EVC2: variants seen among roughly 807,000 people sequenced by gnomAD.
EVC2 encodes the protein limbin.
In EVC2, 148 loss-of-function variants were observed where a neutral mutation model predicts 149.3. The observed-to-expected ratio is 0.99, with a 90% CI of 0.87 to 1.14. EVC2 has a LOEUF of 1.14. Ranked by LOEUF, EVC2 falls within the 50% of genes most tolerant of loss-of-function variation. EVC2 has a pLI of 0.00. For missense variants in EVC2, 1,854 were observed against 1,627.3 expected, an observed-to-expected ratio of 1.14 and a Z score of -2.40; for synonymous variants, 776 against 649.9, an observed-to-expected ratio of 1.19 and a Z score of -2.95.
At chr4:5,641,893 A>G (rs947443079) in intron 9 of EVC2, among the ~76,000 whole-genome samples, 2 of 152,212 alleles carry the variant, frequency 1.3e-5, no homozygotes, top group African/African-American at 4.8e-5. Context: ...TCTAGGTTTT[A>G]AGCTCCTCAG....
downstream of EVC2, among the ~76,000 whole-genome samples, chr4:5,557,983 C>G (rs1721868241): frequency 6.6e-6 from 1 of 151,990 alleles, no homozygotes; most frequent in Non-Finnish European, 1.5e-5. Flanking sequence ...GTCAATTCTT[C>G]CCAACCTGAC....
intron 21 of EVC2, among the ~76,000 whole-genome samples, chr4:5,547,894 G>A (rs1337471483): frequency 6.6e-6 from 1 of 152,196 alleles, no homozygotes; most frequent in Non-Finnish European, 1.5e-5. Flanking sequence ...CCAAGGCTGT[G>A]ACTTCCTCTT....
At chr4:5,583,349 A>C (rs1711970878) in intron 17 of EVC2, among the ~76,000 whole-genome samples, 2 of 152,330 alleles carry the variant, frequency 1.3e-5, no homozygotes, top group South Asian at 4.1e-4. Context: ...TTGGTGTTAA[A>C]GTTATCTAGC....
chr4:5,628,477 T>C, intron 12 of EVC2, 82 bp downstream of exon 12: 1 of 1,546,878 alleles, frequency 6.5e-7, no homozygotes, highest in South Asian at 1.1e-5. Flanking sequence ...TATTTATAAA[T>C]TACCCAGTCT....
At chr4:5,539,095 A>C (rs1721468157), downstream of EVC2, among the ~76,000 whole-genome samples, 1 of 152,192 alleles carries the variant, frequency 6.6e-6, no homozygotes, top group Admixed American at 6.5e-5. Context: ...CAGTAAGCCT[A>C]GAAAGCTTGA....
chr4:5,583,778 C>CA lies in EVC2; in HGVS notation c.3057+844dup, dbSNP rs200267428. ...TTTGTATATTTTATTAGACTTTTTT[C>CA]AAAAAAAAATCTCTTCACTTTATCA... On this transcript the variant is annotated intron_variant, in intron 17 of 21. Coordinates refer to ENST00000344408, the MANE Select transcript of EVC2 (RefSeq NM_147127.5). Among the ~76,000 whole-genome samples, 609 of 148,554 alleles carry CA rather than the reference C, an allele frequency of 4.1e-3. 5 individuals carry two copies. Among genetic ancestry groups the CA allele is most frequent in the African/African-American group, 0.013 (514 of 40,676 alleles).
At chr4:5,606,226 C>A (rs938274691) in intron 16 of EVC2, among the ~76,000 whole-genome samples, 2 of 152,226 alleles carry the variant, frequency 1.3e-5, no homozygotes, top group Admixed American at 1.3e-4. Flanking sequence ...TTAATACTCC[C>A]TTTTCCATAC....
rs577080685 is a variant in EVC2, at chr4:5,622,116, C to A, written c.2501+421G>T. Among the ~76,000 whole-genome samples, 50 of 152,178 alleles carry A rather than the reference C, an allele frequency of 3.3e-4. No individual in the cohort carries two copies. The highest frequency in any genetic ancestry group is 1.0e-3 in the African/African-American group (42 of 41,528). ...CTAGCAGGGCCTGGAATGGCCTAAC[C>A]GCAAGCTCCCCTTCCCCCTCTGCTC... On this transcript the variant is annotated intron_variant, in intron 14 of 21. Coordinates refer to ENST00000344408, the MANE Select transcript of EVC2 (RefSeq NM_147127.5). This position sits in a 1 kb window ranked among gnomAD's most constrained non-coding sequence, Gnocchi z 5.8.
rs35103377 is a variant in EVC2, at chr4:5,628,743, TAA to T, written c.1711-11_1711-10del. On this transcript the variant is annotated splice_polypyrimidine_tract_variant and intron_variant, in intron 11 of 21. Transcript: ENST00000344408. The stretch of plus-strand genomic sequence containing the variant: ...AACTCTTCTACATTCTCCTGTCAAT[TAA>T]AAAAAAAAACAAGAAAATATGCCTA... 831 of 1,418,846 alleles carry T rather than the reference TAA, an allele frequency of 5.9e-4. 6 individuals carry two copies. The African/African-American group carries it at 8.1e-3, about 14-fold the overall frequency. 87.9% of individuals were successfully genotyped at this position (1,418,846 alleles called of 1,614,324 possible).
chr4:5,649,122 C>A (rs1196076348), intron 9 of EVC2, among the ~76,000 whole-genome samples: 1 of 152,194 alleles, frequency 6.6e-6, no homozygotes, highest in East Asian at 1.9e-4. Context: ...GTTACACATG[C>A]TGGGCTCTGA....
rs988180876 is a variant in EVC2 at position 5,614,869 on chromosome 4, C to T, written c.2829+553G>A. ...GTGGGTGCCTGTAATCCCAGCTACT[C>T]GGAAGGGTGAGGCAGAAGAATCACT... is the stretch of plus-strand genomic sequence containing the variant. On this transcript the variant is annotated intron_variant, in intron 16 of 21. Transcript: ENST00000344408. This position sits in a 1 kb window ranked among gnomAD's most constrained non-coding sequence, Gnocchi z 4.7. 2.0e-5 allele frequency among the ~76,000 whole-genome samples: 3 copies of T among 151,896 alleles called. No homozygotes were observed. The highest frequency in any genetic ancestry group is 2.9e-5 in the Non-Finnish European group (2 of 68,002).
At chr4:5,592,710 T>C (rs1027593265) in intron 16 of EVC2, among the ~76,000 whole-genome samples, 2 of 152,204 alleles carry the variant, frequency 1.3e-5, no homozygotes, top group Non-Finnish European at 2.9e-5. Context: ...TATCATCTTC[T>C]AGGAACATTC....
At chr4:5,597,517 A>T (rs1713550433) in intron 16 of EVC2, among the ~76,000 whole-genome samples, 4 of 150,608 alleles carry the variant, frequency 2.7e-5, no homozygotes, top group Non-Finnish European at 6.0e-5. Context: ...AAATTCAACA[A>T]CCCTTCATGC....
intron 9 of EVC2, among the ~76,000 whole-genome samples, chr4:5,645,358 A>G (rs916700909): frequency 6.6e-6 from 1 of 151,622 alleles, no homozygotes; most frequent in African/African-American, 2.4e-5. Flanking sequence ...TTTGTCATGC[A>G]GGTATTAAGC....
Position 5,631,567 on chromosome 4 carries a change from T to TG in EVC2, c.1710+225dup, listed in dbSNP as rs71227270. Among the ~76,000 whole-genome samples, 1,186 of 148,834 alleles carry TG rather than the reference T, an allele frequency of 8.0e-3. 4 individuals carry two copies. The highest frequency in any genetic ancestry group is 0.012 in the Non-Finnish European group (794 of 67,384). ...ACTTGCTCAAGTTCACGCAGTAGAC[T>TG]GGGGGGGGGAACTGAAATTCCAATC... On this transcript the variant is annotated intron_variant, in intron 11 of 21. Coordinates refer to ENST00000344408, the MANE Select transcript of EVC2 (RefSeq NM_147127.5).
chr4:5,574,957 A>G (rs1284860612), intron 18 of EVC2, among the ~76,000 whole-genome samples, 185 bp from the exon 19 acceptor site: 1 of 152,214 alleles, frequency 6.6e-6, no homozygotes, highest in Admixed American at 6.5e-5. Flanking sequence ...TGCACATAAC[A>G]TGTCAAGGAG....
At chr4:5,690,365 G>T (rs1229874548) in intron 4 of EVC2, among the ~76,000 whole-genome samples, 4 of 151,774 alleles carry the variant, frequency 2.6e-5, no homozygotes, top group Non-Finnish European at 5.9e-5. Flanking sequence ...AACCTCTAAA[G>T]CCTGCAGAAT....
chr4:5,662,716 A>G (rs1009948422), intron 9 of EVC2, among the ~76,000 whole-genome samples: 6 of 148,386 alleles, frequency 4.0e-5, no homozygotes, highest in African/African-American at 1.5e-4. Flanking sequence ...TAATTATTCA[A>G]TAATTATCCA....
At chr4:5,549,421 G>A (rs778511095) in intron 21 of EVC2, among the ~76,000 whole-genome samples, 3 of 152,204 alleles carry the variant, frequency 2.0e-5, no homozygotes, top group Non-Finnish European at 4.4e-5. Context: ...GCCTAACACA[G>A]GGGCTGTCCC....
Sources: gnomAD v4.1 joint callset for allele counts (sites outside exome capture counted in the v4.1 genomes callset) on GRCh38, gnomAD v4.1.1 for gene constraint, Gnocchi (gnomAD v3.1) non-coding constraint, MANE v1.5 for transcripts, NCBI Gene and HGNC (gene_info 2026-07-23, HGNC 2026-07-21) for gene names.